Variants in RORB observed in about 807,000 individuals in gnomAD.
RORB encodes nuclear receptor ROR-beta.
RORB carries 6 observed loss-of-function variants against 59.1 expected under a neutral mutation model. That is an observed-to-expected ratio of 0.10 (90% confidence interval 0.06 to 0.20). The LOEUF (loss-of-function observed/expected upper bound fraction) is 0.20, where lower values mean the gene tolerates loss of function less well. Ranked by LOEUF, RORB falls within the 10% of genes least tolerant of loss-of-function variation. The probability of loss-of-function intolerance (pLI) is 1.00; values close to 1 mark genes in which losing one functional copy is unlikely to be tolerated. For missense variants in RORB, 320 were observed against 560.5 expected (o/e 0.57, Z 4.33); for synonymous variants, 215 against 204.5 (o/e 1.05, Z -0.44).
intron 1 of RORB, among the ~76,000 whole-genome samples, chr9:74,589,886 A>G (rs1297193021): frequency 6.6e-6 from 1 of 152,170 alleles, no homozygotes; most frequent in African/African-American, 2.4e-5. Flanking sequence ...GCACACTGCT[A>G]TTAATTAATT....
chr9:74,512,624 T>C (rs907727933), intron 1 of RORB, among the ~76,000 whole-genome samples: 2 of 152,134 alleles, frequency 1.3e-5, no homozygotes, highest in Non-Finnish European at 2.9e-5. Context: ...CTGTTAAACA[T>C]CCTGCAATAT....
intron 1 of RORB, among the ~76,000 whole-genome samples, chr9:74,591,407 T>G (rs550882124): frequency 1.3e-3 from 203 of 152,244 alleles, no homozygotes; most frequent in Non-Finnish European, 2.3e-3. Context: ...TAAGATGCAG[T>G]CCCTTAGCTT....
chr9:74,590,542 G>A (rs1822870662), intron 1 of RORB, among the ~76,000 whole-genome samples: 1 of 152,072 alleles, frequency 6.6e-6, no homozygotes, highest in South Asian at 2.1e-4. Flanking sequence ...AAATCATCAT[G>A]AGGATTGAAT....
intron 6 of RORB, among the ~76,000 whole-genome samples, chr9:74,663,436 C>T (rs1214836630): frequency 2.6e-5 from 4 of 152,146 alleles, no homozygotes; most frequent in African/African-American, 9.7e-5. Flanking sequence ...AACCAGTACA[C>T]GGCAAAGTTG....
chr9:74,648,499 G>T (rs1456595013), intron 4 of RORB, among the ~76,000 whole-genome samples: 1 of 152,194 alleles, frequency 6.6e-6, no homozygotes, highest in Non-Finnish European at 1.5e-5. Context: ...ACAGATAAGA[G>T]TAGGGTAGAA....
Position 74,500,088 on chromosome 9 carries a change from A to G in RORB, c.7+2105A>G, listed in dbSNP as rs112119104. On this transcript the variant is annotated intron_variant, in intron 1 of 9. Coordinates refer to ENST00000376896, the MANE Select transcript of RORB (RefSeq NM_006914.4). Reference sequence around the variant, plus strand: ...CGCTGGTCCTCATGCTCACCTTGAGAAAACCAGTTTAAGCCCACAGACCTA... The same window carrying G: ...CGCTGGTCCTCATGCTCACCTTGAGGAAACCAGTTTAAGCCCACAGACCTA... Among the ~76,000 whole-genome samples, 432 of 152,300 alleles carry G rather than the reference A, an allele frequency of 2.8e-3. 2 individuals are homozygous for G. Among genetic ancestry groups the G allele is most frequent in the African/African-American group, 9.8e-3 (407 of 41,558 alleles).
intron 1 of RORB, among the ~76,000 whole-genome samples, chr9:74,570,415 G>A (rs1055858767): frequency 6.6e-6 from 1 of 152,032 alleles, no homozygotes; most frequent in African/African-American, 2.4e-5. Context: ...CATTTCAAGG[G>A]AAAAAGTTGG....
At chr9:74,568,798 C>T (rs949285472) in intron 1 of RORB, among the ~76,000 whole-genome samples, 1 of 150,770 alleles carries the variant, frequency 6.6e-6, no homozygotes, top group East Asian at 2.0e-4. Context: ...GTGAAATGAA[C>T]ATTTAAAATC....
At chr9:74,503,428 T>C (rs1039490146) in intron 1 of RORB, among the ~76,000 whole-genome samples, 6 of 152,044 alleles carry the variant, frequency 3.9e-5, no homozygotes, top group Non-Finnish European at 5.9e-5. Flanking sequence ...GAGAAAATCA[T>C]TCTTATCTTT....
At chr9:74,660,759 A>C (rs1330699481) in intron 5 of RORB, 21 bp downstream of exon 5, 2 of 1,605,770 alleles carry the variant, frequency 1.2e-6, no homozygotes, top group Non-Finnish European at 1.7e-6. Flanking sequence ...AAACCATGAG[A>C]AAGTTTTTCT....
In RORB at chr9:74,634,577, C is replaced by T. The variant is rs911316266; in HGVS notation, c.94-54C>T. The T allele has an allele frequency of 2.8e-5, 41 of 1,486,668 alleles. No homozygotes were observed. The Admixed American group carries it at 8.7e-4, about 32-fold the overall frequency. The allele number at this position is 1,486,668 out of a possible 1,614,324, so 92.1% of individuals were successfully genotyped here. ...TGTAGCAAATGTATACATTAATGTT[C>T]TCTGTTTCCCTTCTTATAAATCTGT... On this transcript the variant is annotated intron_variant, in intron 2 of 9. Transcript: ENST00000376896.
intron 1 of RORB, among the ~76,000 whole-genome samples, chr9:74,523,121 T>C (rs1291664446): frequency 6.6e-6 from 1 of 151,852 alleles, no homozygotes; most frequent in Admixed American, 6.6e-5. Context: ...TAATTTGCTA[T>C]AGTCTTATGT....
At chr9:74,505,600 G>A (rs1159353243) in intron 1 of RORB, among the ~76,000 whole-genome samples, 1 of 152,058 alleles carries the variant, frequency 6.6e-6, no homozygotes, top group Non-Finnish European at 1.5e-5. Context: ...TGGCAAGGAC[G>A]CTACCAGAAA....
At chr9:74,586,974 G>T (rs1822810337) in intron 1 of RORB, among the ~76,000 whole-genome samples, 1 of 152,060 alleles carries the variant, frequency 6.6e-6, no homozygotes, top group African/African-American at 2.4e-5. Flanking sequence ...TAACCAATCT[G>T]TCCACTCCCT....
At position 74,689,613 on chromosome 9, in the gene RORB, C is replaced by T. The variant is rs1454087118; in HGVS notation, c.*3995C>T. On this transcript the variant is annotated 3_prime_UTR_variant, in exon 10 of 10. Coordinates refer to ENST00000376896, the MANE Select transcript of RORB (RefSeq NM_006914.4). ...CCAAGAGATCTTAAATCATAATAAA[C>T]TCTGAATATTAACAAGAGGTGCCAG... is the stretch of plus-strand genomic sequence containing the variant. 1 of 152,180 alleles carries T rather than the reference C, an allele frequency of 6.6e-6. No homozygotes were observed. Among genetic ancestry groups the T allele is most frequent in the Non-Finnish European group, 1.5e-5 (1 of 68,040 alleles). 9.4% of individuals were successfully genotyped at this position (152,180 alleles called of 1,614,324 possible). A position where few individuals can be genotyped will look rare whatever the true frequency, so the allele number is the denominator to read the frequency against.
intron 1 of RORB, among the ~76,000 whole-genome samples, chr9:74,558,123 T>A (rs1822336022): frequency 6.6e-6 from 1 of 152,280 alleles, no homozygotes; most frequent in Admixed American, 6.5e-5. Flanking sequence ...AATATTGCTA[T>A]TTTTAAAACT....
intron 9 of RORB, among the ~76,000 whole-genome samples, chr9:74,681,897 C>G (rs1008895164): frequency 2.0e-5 from 3 of 152,124 alleles, no homozygotes; most frequent in Non-Finnish European, 2.9e-5. Flanking sequence ...AATGAAAAAT[C>G]AATATGATTT....
chr9:74,642,060 C>A (rs532905100), intron 3 of RORB, among the ~76,000 whole-genome samples: 1 of 151,950 alleles, frequency 6.6e-6, no homozygotes, highest in Non-Finnish European at 1.5e-5. Flanking sequence ...ATTTTAATAG[C>A]GGGTACTATT....
intron 1 of RORB, among the ~76,000 whole-genome samples, chr9:74,514,713 GA>G (rs1422084786): frequency 6.7e-6 from 1 of 149,562 alleles, no homozygotes; most frequent in Non-Finnish European, 1.5e-5. Flanking sequence ...ATGAATGATA[GA>G]GGAGAATAAG....
Sources: gnomAD v4.1 joint callset for allele counts (sites outside exome capture counted in the v4.1 genomes callset) on GRCh38, gnomAD v4.1.1 for gene constraint, MANE v1.5 for transcripts, NCBI Gene and HGNC (gene_info 2026-07-23, HGNC 2026-07-21) for gene names.